Variants in GABRR3 observed in about 807,000 individuals in gnomAD.
The protein encoded by GABRR3 is gamma-aminobutyric acid type A receptor subunit rho3.
GABRR3 carries 29 observed loss-of-function variants against 43.2 expected under a neutral mutation model. That is an observed-to-expected ratio of 0.67 (90% CI 0.50 to 0.92). The LOEUF is 0.92. GABRR3 is among the 40% of genes least tolerant of loss of function. The pLI, the probability that GABRR3 is intolerant of heterozygous loss-of-function variation, is 0.00. For missense variants in GABRR3, 576 were observed against 572.3 expected (o/e 1.01, Z -0.07); for synonymous variants, 206 against 195.9 (o/e 1.05, Z -0.43).
exon 9 of GABRR3, chr3:97,993,011 A>C (rs771863933): frequency 6.2e-7 from 1 of 1,612,364 alleles, no homozygotes; most frequent in Non-Finnish European, 8.5e-7. Context: ...CGCTCACAGC[A>C]GTGATGATTG....
intron 3 of GABRR3, among the ~76,000 whole-genome samples, chr3:98,021,440 C>A (rs1236761219): frequency 2.6e-5 from 4 of 152,168 alleles, no homozygotes; most frequent in Non-Finnish European, 5.9e-5. Flanking sequence ...TACCAAACTT[C>A]TGTAAATACC....
chr3:98,002,261 C>T (rs1414795303), intron 7 of GABRR3, among the ~76,000 whole-genome samples: 1 of 152,118 alleles, frequency 6.6e-6, no homozygotes. Flanking sequence ...AAAACAGCAT[C>T]CATAAGCTAG....
intron 2 of GABRR3, among the ~76,000 whole-genome samples, chr3:98,029,121 G>T (rs1308011270): frequency 1.3e-5 from 2 of 152,126 alleles, no homozygotes; most frequent in African/African-American, 2.4e-5. Context: ...TCTGAGTCCT[G>T]ATGGGATCAG....
At chr3:97,986,004 C>CT (rs1278135235), downstream of GABRR3, among the ~76,000 whole-genome samples, 8 of 152,236 alleles carry the variant, frequency 5.3e-5, no homozygotes, top group African/African-American at 1.9e-4. Flanking sequence ...GTAGCACAGA[C>CT]TACAGGCGTG....
chr3:97,988,213 C>G (rs867618756), intron 9 of GABRR3, among the ~76,000 whole-genome samples: 1 of 151,838 alleles, frequency 6.6e-6, no homozygotes, highest in African/African-American at 2.4e-5. Flanking sequence ...TACAGAAGGA[C>G]GCATAATAGA....
intron 9 of GABRR3, among the ~76,000 whole-genome samples, chr3:97,990,582 A>G (rs904319398): frequency 6.6e-6 from 1 of 152,138 alleles, no homozygotes; most frequent in Admixed American, 6.5e-5. Flanking sequence ...CCTGACCTCA[A>G]GAAATCCGCC....
At position 98,031,468 on chromosome 3, in the gene GABRR3, G is replaced by A. The variant is rs558068422; in HGVS notation, c.125+3395C>T. On this transcript the variant is annotated intron_variant, in intron 2 of 9. Coordinates refer to ENST00000621172, the Ensembl canonical transcript of GABRR3. ...TCTCTTATAACAAGAGAAGGCTGTG[G>A]GCACGGTGGCTCATGCCTATAATCC... Among the ~76,000 whole-genome samples, 312 of 152,256 alleles carry A rather than the reference G, an allele frequency of 2.0e-3. 2 individuals carry two copies. Among genetic ancestry groups the A allele is most frequent in the Non-Finnish European group, 3.2e-3 (216 of 68,024 alleles).
intron 5 of GABRR3, 53 bp downstream of exon 5, chr3:98,012,291 G>T: frequency 7.7e-7 from 1 of 1,306,212 alleles, no homozygotes; most frequent in Admixed American, 1.8e-5. Flanking sequence ...ATCAGCTTTG[G>T]TGCAGATGGC....
intron 8 of GABRR3, among the ~76,000 whole-genome samples, chr3:97,996,425 T>C (rs980681067): frequency 3.9e-5 from 6 of 152,180 alleles, no homozygotes; most frequent in Non-Finnish European, 7.4e-5. Context: ...ACTGCTCTTA[T>C]CCAGTTGCCT....
chr3:97,995,306 T>G (rs546483207), intron 8 of GABRR3, among the ~76,000 whole-genome samples: 1 of 152,254 alleles, frequency 6.6e-6, no homozygotes, highest in Non-Finnish European at 1.5e-5. Flanking sequence ...CTCTTATTGG[T>G]TTTTTAAGAT....
At chr3:97,985,733 C>T (rs1027447389), downstream of GABRR3, among the ~76,000 whole-genome samples, 7 of 151,844 alleles carry the variant, frequency 4.6e-5, no homozygotes, top group Non-Finnish European at 8.8e-5. Flanking sequence ...CTACAAAATG[C>T]GAGATGTTAT....
At chr3:98,025,531 G>C (rs374734022) in intron 3 of GABRR3, 36 bp downstream of exon 3, 4 of 1,410,898 alleles carry the variant, frequency 2.8e-6, no homozygotes, top group Admixed American at 2.0e-5. Flanking sequence ...ACAGTGCAAT[G>C]GGTTTTGAAA....
intron 3 of GABRR3, among the ~76,000 whole-genome samples, chr3:98,018,118 A>G (rs909260488): frequency 6.6e-5 from 10 of 152,094 alleles, no homozygotes; most frequent in Non-Finnish European, 1.2e-4. Context: ...TTAAGTACAA[A>G]TATGGTAATG....
At chr3:97,998,442 T>C (rs1353166103) in intron 8 of GABRR3, 1 of 152,128 alleles carries the variant, frequency 6.6e-6, no homozygotes, top group African/African-American at 2.4e-5. Flanking sequence ...AAGTATGAGA[T>C]AGACCAATGG....
At chr3:97,999,677 G>A (rs542676721) in intron 8 of GABRR3, 156 of 152,238 alleles carry the variant, frequency 1.0e-3, no homozygotes, top group African/African-American at 3.4e-3. Context: ...TGCATTGTGT[G>A]TGTAGTTGGT....
At chr3:98,001,989 C>A (rs1342431676) in intron 7 of GABRR3, among the ~76,000 whole-genome samples, 1 of 152,212 alleles carries the variant, frequency 6.6e-6, no homozygotes, top group South Asian at 2.1e-4. Context: ...AACTTCCAAA[C>A]CCGCAGTTCA....
intron 4 of GABRR3, among the ~76,000 whole-genome samples, chr3:98,016,027 G>A (rs1336986282): frequency 1.3e-5 from 2 of 152,164 alleles, no homozygotes; most frequent in Non-Finnish European, 2.9e-5. Context: ...TCTTCACAGG[G>A]CAGCAGGAGA....
chr3:97,995,218 C>T (rs1483337412), intron 8 of GABRR3, among the ~76,000 whole-genome samples: 1 of 152,146 alleles, frequency 6.6e-6, no homozygotes, highest in African/African-American at 2.4e-5. Flanking sequence ...CTCAGGTGAT[C>T]TGCCCCCCTT....
At chr3:98,001,467 C>T in intron 8 of GABRR3, 148 bp downstream of exon 8, 1 of 817,406 alleles carries the variant, frequency 1.2e-6, no homozygotes, top group Admixed American at 2.9e-5. Flanking sequence ...TTGAGGATGT[C>T]AAGATCGATA....
Sources: gnomAD v4.1 joint callset for allele counts (sites outside exome capture counted in the v4.1 genomes callset) on GRCh38, gnomAD v4.1.1 for gene constraint, MANE v1.5 for transcripts, NCBI Gene and HGNC (gene_info 2026-07-23, HGNC 2026-07-21) for gene names.